The following ERBB4 variants were observed in gnomAD, a reference collection of about 807,000 sequenced individuals.
ERBB4 encodes receptor tyrosine-protein kinase erbB-4.
ERBB4 carries 42 observed loss-of-function variants against 158.0 expected under a neutral mutation model. The ratio of observed to expected loss-of-function variants is 0.27; its 90% CI spans 0.21 to 0.34. The LOEUF (loss-of-function observed/expected upper bound fraction) is 0.34. Ranked by LOEUF, ERBB4 falls within the 10% of genes least tolerant of loss-of-function variation. The pLI is 1.00. For synonymous variants in ERBB4, 583 were observed against 558.7 expected (o/e 1.04, Z -0.61); for missense variants, 1,333 against 1,624.1 (o/e 0.82, Z 3.08).
chr2:212,158,228 C>T (rs2081098823), intron 1 of ERBB4, among the ~76,000 whole-genome samples: 1 of 151,870 alleles, frequency 6.6e-6, no homozygotes, highest in South Asian at 2.1e-4. Flanking sequence ...TAGAAGTGAA[C>T]CACAAATGGT....
chr2:212,180,692 A>C (rs1009542803), intron 1 of ERBB4, among the ~76,000 whole-genome samples: 1 of 151,734 alleles, frequency 6.6e-6, no homozygotes, highest in African/African-American at 2.4e-5. Flanking sequence ...TTCTCAACTC[A>C]GTATTCAAAC....
chr2:211,789,927 A>G (rs906155968), intron 3 of ERBB4, among the ~76,000 whole-genome samples: 7 of 152,074 alleles, frequency 4.6e-5, no homozygotes, highest in African/African-American at 1.2e-4. Context: ...TTCTACATTT[A>G]AAATCACTCC....
chr2:211,499,515 CTG>C (rs1377388895), intron 20 of ERBB4, among the ~76,000 whole-genome samples: 1 of 152,102 alleles, frequency 6.6e-6, no homozygotes, highest in South Asian at 2.1e-4. Context: ...GAGCGAGACT[CTG>C]TCTCAGAAAA....
intron 1 of ERBB4, among the ~76,000 whole-genome samples, chr2:212,487,857 T>C (rs1348985551): frequency 6.6e-6 from 1 of 152,160 alleles, no homozygotes; most frequent in Non-Finnish European, 1.5e-5. Context: ...ATGAGAAAAT[T>C]ATGATGTATT....
At chr2:212,315,017 G>C (rs2087210165) in intron 1 of ERBB4, among the ~76,000 whole-genome samples, 1 of 151,168 alleles carries the variant, frequency 6.6e-6, no homozygotes, top group Non-Finnish European at 1.5e-5. Flanking sequence ...TCTGTACTTT[G>C]AGATTACTGA....
intron 20 of ERBB4, among the ~76,000 whole-genome samples, chr2:211,521,797 C>G (rs955490416): frequency 1.3e-5 from 2 of 152,144 alleles, no homozygotes; most frequent in African/African-American, 4.8e-5. Flanking sequence ...AAGAATTATA[C>G]TAAATTTACA....
At chr2:212,016,924 G>C (rs1005633920) in intron 2 of ERBB4, among the ~76,000 whole-genome samples, 2 of 151,950 alleles carry the variant, frequency 1.3e-5, no homozygotes, top group Non-Finnish European at 2.9e-5. Flanking sequence ...CTTAATAAAA[G>C]GTAGTTGTCA....
intron 3 of ERBB4, among the ~76,000 whole-genome samples, chr2:211,855,764 T>C (rs949158200): frequency 3.3e-5 from 5 of 152,190 alleles, no homozygotes; most frequent in Admixed American, 6.5e-5. Context: ...TCTTCAAGAA[T>C]ATTCTGTTTG....
At chr2:211,563,652 T>C (rs1169866100) in intron 19 of ERBB4, among the ~76,000 whole-genome samples, 1 of 152,210 alleles carries the variant, frequency 6.6e-6, no homozygotes, top group Non-Finnish European at 1.5e-5. Context: ...TTGAGAGTGG[T>C]AATGGTATTG....
intron 1 of ERBB4, among the ~76,000 whole-genome samples, chr2:212,301,105 G>A (rs11679625): frequency 0.74 from 111,613 of 150,192 alleles, 45,567 homozygotes; most frequent in Non-Finnish European, 0.9. Flanking sequence ...ATTGTTAGAT[G>A]GTTTGCATTG....
chr2:212,142,351 AATGGATGG>A (rs200744821), intron 1 of ERBB4, among the ~76,000 whole-genome samples: 4 of 151,702 alleles, frequency 2.6e-5, no homozygotes, highest in Non-Finnish European at 2.9e-5. Flanking sequence ...TTAATGAATG[AATGGATGG>A]ATGGATGGAT....
intron 22 of ERBB4, among the ~76,000 whole-genome samples, chr2:211,428,161 A>G (rs2063671612): frequency 6.6e-6 from 1 of 152,016 alleles, no homozygotes. Flanking sequence ...ACCATGCCAC[A>G]TGTATACCTA....
intron 2 of ERBB4, among the ~76,000 whole-genome samples, chr2:211,976,348 C>T (rs984760800): frequency 2.0e-5 from 3 of 152,056 alleles, no homozygotes; most frequent in African/African-American, 7.2e-5. Flanking sequence ...AATGAATTCC[C>T]GATAGTTTTA....
intron 2 of ERBB4, among the ~76,000 whole-genome samples, chr2:211,970,843 G>C (rs1289586911): frequency 6.6e-6 from 1 of 152,144 alleles, no homozygotes; most frequent in Non-Finnish European, 1.5e-5. Context: ...TTGCCATTCT[G>C]TGTCATTTAA....
intron 5 of ERBB4, among the ~76,000 whole-genome samples, chr2:211,736,199 C>T (rs73085038): frequency 0.091 from 13,867 of 151,900 alleles, 1,844 homozygotes; most frequent in African/African-American, 0.29. Flanking sequence ...ATCATGTCCT[C>T]CTACAAGTCA....
intron 16 of ERBB4, among the ~76,000 whole-genome samples, chr2:211,648,675 G>A (rs906003047): frequency 1.3e-5 from 2 of 151,760 alleles, no homozygotes; most frequent in African/African-American, 4.8e-5. Flanking sequence ...AACAACCAGA[G>A]CCAGATGATA....
At chr2:211,590,166 A>C (rs569095769) in intron 19 of ERBB4, among the ~76,000 whole-genome samples, 1 of 152,328 alleles carries the variant, frequency 6.6e-6, no homozygotes, top group African/African-American at 2.4e-5. Flanking sequence ...TATGACTGTG[A>C]CAGTGAAAGA....
In ERBB4 at chr2:212,124,779, C is replaced by G. The variant is rs1467383739; in HGVS notation, c.207G>C (p.Glu69Asp). The G allele has an allele frequency of 6.2e-7, 1 of 1,614,168 alleles. No individual in the cohort carries two copies. The highest frequency in any genetic ancestry group is 8.5e-7 in the Non-Finnish European group (1 of 1,180,012). The change falls in exon 2 of 28, where the codon GAG becomes GAC. Residue 69 changes from glutamate to aspartate, a missense_variant. Glu to Asp is a conservative substitution (Grantham distance 45). Around this residue, in one of 5 missense-constraint regions of ERBB4, gnomAD observed 438 missense variants for 586.9 expected, o/e 0.75. Transcript: ENST00000342788. ...GCAGGAAGGAGAGGTCCCGGTTGTG[C>G]TCAATGCTGGTTATCTCCAGGTTGC... is the stretch of plus-strand genomic sequence containing the variant. ...VMGNLEITSI[E>D]HNRDLSFLRS...
At position 211,978,396 on chromosome 2, in the gene ERBB4, G is replaced by T. The variant is rs11893374; in HGVS notation, c.235-30780C>A. Among the ~76,000 whole-genome samples the T allele has an allele frequency of 8.6e-4, 117 of 136,644 alleles. 1 individual carries two copies. The highest frequency in any genetic ancestry group is 2.6e-3 in the South Asian group (10 of 3,912). The allele number at this position is 136,644 out of a possible 152,430, so 89.6% of individuals were successfully genotyped here. A position where few individuals can be genotyped will look rare whatever the true frequency, so the allele number is the denominator to read the frequency against. ...TGTCTGTCTGTCTGTCTGTCTGTCT[G>T]TCTATCTATCTATCTATCTATCTAT... On this transcript the variant is annotated intron_variant, in intron 2 of 27. Transcript: ENST00000342788.
Sources: gnomAD v4.1 joint callset for allele counts (sites outside exome capture counted in the v4.1 genomes callset) on GRCh38, gnomAD v4.1.1 for gene constraint, gnomAD v4.1.1 regional missense constraint, MANE v1.5 for transcripts, NCBI Gene and HGNC (gene_info 2026-07-23, HGNC 2026-07-21) for gene names.